ESRP1: variants seen among roughly 807,000 people sequenced by gnomAD.
The protein encoded by ESRP1 is RNA-binding motif protein 35A.
In ESRP1, 33 loss-of-function variants were observed where a neutral mutation model predicts 81.7. The observed-to-expected ratio is 0.40, with a 90% CI of 0.31 to 0.54. The LOEUF (loss-of-function observed/expected upper bound fraction) is 0.54. Ranked by LOEUF, ESRP1 falls within the 20% of genes least tolerant of loss-of-function variation. ESRP1 has a pLI of 0.41. For missense variants in ESRP1, 672 were observed against 833.1 expected (o/e 0.81, Z 2.38); for synonymous variants, 320 against 303.3 (o/e 1.06, Z -0.57).
chr8:94,682,000 T>C (rs1472003216), intron 13 of ESRP1, among the ~76,000 whole-genome samples: 1 of 152,214 alleles, frequency 6.6e-6, no homozygotes, highest in Admixed American at 6.5e-5. Context: ...AAAGCATGTA[T>C]GCCTCATGTG....
intron 15 of ESRP1, among the ~76,000 whole-genome samples, chr8:94,705,285 A>G (rs532756364): frequency 6.8e-5 from 10 of 148,140 alleles, no homozygotes; most frequent in African/African-American, 2.5e-4. Context: ...CTCCTGCCTC[A>G]GCCTCCCACA....
At chr8:94,689,124 G>A (rs1393739252) in intron 13 of ESRP1, among the ~76,000 whole-genome samples, 1 of 151,972 alleles carries the variant, frequency 6.6e-6, no homozygotes, top group Non-Finnish European at 1.5e-5. Context: ...GTTGGCACAT[G>A]CTTGTAATCC....
chr8:94,659,499 A>G (rs1245220284), intron 4 of ESRP1, among the ~76,000 whole-genome samples: 1 of 152,162 alleles, frequency 6.6e-6, no homozygotes, highest in East Asian at 1.9e-4. Context: ...GAAACACAAT[A>G]TTGAAATTAA....
chr8:94,662,453 T>G (rs1818794507), intron 5 of ESRP1, 48 bp from the exon 6 acceptor site: 1 of 1,567,444 alleles, frequency 6.4e-7, no homozygotes, highest in Non-Finnish European at 8.7e-7. Flanking sequence ...TCCTACAACT[T>G]TGTCTCCCTA....
At chr8:94,644,206 A>G (rs1002606149) in intron 3 of ESRP1, among the ~76,000 whole-genome samples, 2 of 152,204 alleles carry the variant, frequency 1.3e-5, no homozygotes, top group Admixed American at 6.5e-5. Context: ...CACCCAGTGT[A>G]GCCAATCATT....
intron 4 of ESRP1, among the ~76,000 whole-genome samples, chr8:94,652,432 A>G (rs1818188928): frequency 6.6e-6 from 1 of 151,260 alleles, no homozygotes; most frequent in South Asian, 2.1e-4. Context: ...TACTTAATCA[A>G]GTGAGGATGG....
At chr8:94,651,744 G>A (rs1818142499) in intron 4 of ESRP1, among the ~76,000 whole-genome samples, 1 of 151,854 alleles carries the variant, frequency 6.6e-6, no homozygotes, top group African/African-American at 2.4e-5. Flanking sequence ...AGCCTCCCAG[G>A]TAGCTGGGAC....
At chr8:94,641,742 C>T in intron 1 of ESRP1, 1 of 769,380 alleles carries the variant, frequency 1.3e-6, no homozygotes, top group Non-Finnish European at 1.9e-6. Context: ...CTCGGAGGCC[C>T]CGGGGTCCAC....
intron 6 of ESRP1, among the ~76,000 whole-genome samples, chr8:94,663,992 A>C (rs73695503): frequency 0.021 from 3,142 of 152,136 alleles, 96 homozygotes; most frequent in African/African-American, 0.071. Context: ...TCTGATCCTA[A>C]ATTCGGCTGC....
At chr8:94,641,864 G>C (rs1817615007) in intron 1 of ESRP1, 92 bp from the exon 2 acceptor site, 6 of 1,549,588 alleles carry the variant, frequency 3.9e-6, no homozygotes, top group Non-Finnish European at 1.7e-6. Flanking sequence ...CAAGAGAGGC[G>C]CGGGCCGCCC....
At chr8:94,697,927 C>G (rs1327762122) in intron 15 of ESRP1, among the ~76,000 whole-genome samples, 1 of 152,012 alleles carries the variant, frequency 6.6e-6, no homozygotes, top group East Asian at 1.9e-4. Context: ...ATTACAGGCA[C>G]CTGCCACCAT....
At chr8:94,641,629 G>C in intron 1 of ESRP1, 179 bp downstream of exon 1, 1 of 898,602 alleles carries the variant, frequency 1.1e-6, no homozygotes, top group Admixed American at 2.6e-5. Context: ...AACTGCCTTG[G>C]AGCCATTTCA....
intron 10 of ESRP1, among the ~76,000 whole-genome samples, chr8:94,669,712 A>G (rs1820418): frequency 0.67 from 101,721 of 151,052 alleles, 34,854 homozygotes; most frequent in East Asian, 0.8. Context: ...CTGAAAATAC[A>G]AAAAAAAATT....
chr8:94,680,390 A>G (rs931508661), intron 13 of ESRP1, among the ~76,000 whole-genome samples: 9 of 152,224 alleles, frequency 5.9e-5, no homozygotes, highest in Non-Finnish European at 1.0e-4. Flanking sequence ...TTTAAAAAGC[A>G]TATGCCAAAG....
intron 13 of ESRP1, among the ~76,000 whole-genome samples, chr8:94,687,486 G>A (rs562976798): frequency 2.0e-5 from 3 of 152,158 alleles, no homozygotes; most frequent in African/African-American, 7.2e-5. Context: ...TAACTATTTA[G>A]CTTTCAAGAA....
chr8:94,657,609 T>TCAAA (rs1818502767), intron 4 of ESRP1, among the ~76,000 whole-genome samples: 1 of 152,024 alleles, frequency 6.6e-6, no homozygotes, highest in Non-Finnish European at 1.5e-5. Flanking sequence ...GTGCGATGGC[T>TCAAA]CAAAGGGAGA....
rs555987086 is a variant in ESRP1, at chr8:94,654,943, G to T, written c.491-7329G>T. 1.3e-3 allele frequency among the ~76,000 whole-genome samples: 195 copies of T among 150,702 alleles called. 3 individuals are homozygous for T. Among genetic ancestry groups the T allele is most frequent in the Non-Finnish European group, 2.7e-4 (18 of 67,626 alleles). The stretch of plus-strand genomic sequence containing the variant: ...TCAAAAAAAAAAAAAGAAAAAAAAA[G>T]TAAGCTGAGAAGTAAGGTTTAAAAC... On this transcript the variant is annotated intron_variant, in intron 4 of 15. Coordinates refer to ENST00000433389, the MANE Select transcript of ESRP1 (RefSeq NM_017697.4).
At chr8:94,697,944 C>T (rs1290432787) in intron 15 of ESRP1, among the ~76,000 whole-genome samples, 1 of 151,136 alleles carries the variant, frequency 6.6e-6, no homozygotes, top group Non-Finnish European at 1.5e-5. Context: ...CCATGCCTGG[C>T]TTTTTTTTTG....
intron 10 of ESRP1, 130 bp from the exon 11 acceptor site, chr8:94,671,323 C>G (rs1029158947): frequency 5.5e-5 from 35 of 639,366 alleles, no homozygotes; most frequent in Non-Finnish European, 8.6e-5. Flanking sequence ...GATGAAGATT[C>G]ATATTTATTA....
Sources: gnomAD v4.1 joint callset for allele counts (sites outside exome capture counted in the v4.1 genomes callset) on GRCh38, gnomAD v4.1.1 for gene constraint, MANE v1.5 for transcripts, NCBI Gene and HGNC (gene_info 2026-07-23, HGNC 2026-07-21) for gene names.